Variants in ASPH observed in about 807,000 individuals in gnomAD.
ASPH encodes the protein aspartyl/asparaginyl beta-hydroxylase.
A neutral mutation model predicts 118.4 loss-of-function variants in ASPH; 100 were observed. The observed-to-expected ratio is 0.84, with a 90% CI of 0.72 to 1.00. The LOEUF (loss-of-function observed/expected upper bound fraction) is 1.00, where lower values mean the gene tolerates loss of function less well. ASPH is among the 50% of genes least tolerant of loss of function. ASPH has a pLI of 0.00. For missense variants in ASPH, 920 were observed against 919.5 expected (o/e 1.00, Z -0.01); for synonymous variants, 315 against 325.6 (o/e 0.97, Z 0.35).
chr8:61,556,970 T>C (rs1031040878), intron 18 of ASPH, among the ~76,000 whole-genome samples: 1 of 152,204 alleles, frequency 6.6e-6, no homozygotes, highest in Admixed American at 6.5e-5. Context: ...GCAGATGCTG[T>C]AGCATTTTCA....
chr8:61,614,582 C>T (rs911945614), intron 14 of ASPH, among the ~76,000 whole-genome samples: 1 of 152,174 alleles, frequency 6.6e-6, no homozygotes, highest in African/African-American at 2.4e-5. Flanking sequence ...ATCCTCCTAC[C>T]TCAGACTCCC....
intron 10 of ASPH, among the ~76,000 whole-genome samples, chr8:61,640,830 T>G (rs1162258621): frequency 6.6e-6 from 1 of 152,220 alleles, no homozygotes; most frequent in East Asian, 1.9e-4. Flanking sequence ...AATGTAGGCA[T>G]GATGATTTCT....
At chr8:61,551,130 T>C (rs1825848465) in intron 20 of ASPH, among the ~76,000 whole-genome samples, 1 of 152,200 alleles carries the variant, frequency 6.6e-6, no homozygotes, top group African/African-American at 2.4e-5. Flanking sequence ...AACGTGGATT[T>C]GGAAGTTATG....
Position 61,693,450 on chromosome 8 carries a change from A to C in ASPH, c.104-9262T>G, listed in dbSNP as rs999849961. Among the ~76,000 whole-genome samples, 4 of 152,208 alleles carry C rather than the reference A, an allele frequency of 2.6e-5. No individual in the cohort carries two copies. The East Asian group carries it at 7.7e-4, about 29-fold the overall frequency. Reference sequence around the variant, plus strand: ...ATATGATTCTTTAAAACAAAAACAAATTTTTTTTCATCTACACATCGTACC... The same window carrying C: ...ATATGATTCTTTAAAACAAAAACAACTTTTTTTTCATCTACACATCGTACC... On this transcript the variant is annotated intron_variant, in intron 1 of 24. Transcript: ENST00000379454.
chr8:61,574,969 C>T (rs543815159), intron 16 of ASPH, among the ~76,000 whole-genome samples: 2 of 152,292 alleles, frequency 1.3e-5, no homozygotes, highest in South Asian at 4.1e-4. Context: ...CCCCAGCATG[C>T]CCTTCTTTCT....
intron 14 of ASPH, among the ~76,000 whole-genome samples, chr8:61,598,725 A>ATAT (rs773792313): frequency 6.6e-6 from 1 of 152,244 alleles, no homozygotes; most frequent in Non-Finnish European, 1.5e-5. Flanking sequence ...AACATTCTCC[A>ATAT]GGTAGACCAT....
chr8:61,554,967 G>C (rs1361640851), intron 19 of ASPH, among the ~76,000 whole-genome samples: 1 of 152,084 alleles, frequency 6.6e-6, no homozygotes, highest in East Asian at 1.9e-4. Flanking sequence ...TCCCACCTTG[G>C]TCTCCAAAAG....
chr8:61,660,516 G>C (rs1816312991), intron 3 of ASPH: 1 of 152,136 alleles, frequency 6.6e-6, no homozygotes, highest in Non-Finnish European at 1.5e-5. Flanking sequence ...TTGAAGATGA[G>C]CACACGAGAC....
chr8:61,564,247 C>G (rs1830882648), intron 17 of ASPH, among the ~76,000 whole-genome samples: 1 of 151,108 alleles, frequency 6.6e-6, no homozygotes, highest in African/African-American at 2.4e-5. Flanking sequence ...CAGTGCTAAG[C>G]AGAGCCATAG....
intron 14 of ASPH, among the ~76,000 whole-genome samples, chr8:61,616,228 T>G (rs1400647671): frequency 6.6e-6 from 1 of 152,046 alleles, no homozygotes; most frequent in Non-Finnish European, 1.5e-5. Context: ...GCAAACCCCC[T>G]TTAGGATCAG....
At chr8:61,576,537 C>G (rs559027355) in intron 16 of ASPH, 21 of 413,752 alleles carry the variant, frequency 5.1e-5, no homozygotes, top group Non-Finnish European at 9.0e-5. Flanking sequence ...AAAAGTGTTA[C>G]TGTTTATTTT....
chr8:61,535,036 T>C (rs1818978296), intron 21 of ASPH, among the ~76,000 whole-genome samples: 1 of 152,222 alleles, frequency 6.6e-6, no homozygotes, highest in Non-Finnish European at 1.5e-5. Flanking sequence ...TCTCTTTGTT[T>C]CCAAAGTTCC....
chr8:61,531,235 G>A (rs1169621750), intron 21 of ASPH, among the ~76,000 whole-genome samples: 1 of 152,008 alleles, frequency 6.6e-6, no homozygotes, highest in East Asian at 1.9e-4. Context: ...TTACTTTCTT[G>A]CTTTTTCTCT....
At chr8:61,684,003 T>C (rs2151673535) in intron 2 of ASPH, 36 bp downstream of exon 2, 1 of 1,605,154 alleles carries the variant, frequency 6.2e-7, no homozygotes, top group Non-Finnish European at 8.5e-7. Flanking sequence ...TCACTTACTC[T>C]CTTACAAATT....
intron 2 of ASPH, among the ~76,000 whole-genome samples, chr8:61,683,059 T>A (rs1828887559): frequency 6.6e-6 from 1 of 152,126 alleles, no homozygotes; most frequent in South Asian, 2.1e-4. Flanking sequence ...TTAAAAACAT[T>A]ATGCTAAGTG....
At chr8:61,682,574 C>T in intron 2 of ASPH, 2 of 1,226,046 alleles carry the variant, frequency 1.6e-6, no homozygotes, top group Non-Finnish European at 2.4e-6. Context: ...TCCCTAACAA[C>T]ATATCACTGT....
intron 17 of ASPH, among the ~76,000 whole-genome samples, chr8:61,565,276 C>A (rs1185431488): frequency 6.6e-6 from 1 of 151,676 alleles, no homozygotes; most frequent in African/African-American, 2.4e-5. Context: ...TCAAATCTTA[C>A]CAGTAAATTT....
chr8:61,710,552 T>C (rs1191617154), intron 1 of ASPH, among the ~76,000 whole-genome samples: 1 of 152,194 alleles, frequency 6.6e-6, no homozygotes, highest in Non-Finnish European at 1.5e-5. Context: ...CTCTGGAAAA[T>C]GTGTTCATAA....
At chr8:61,637,554 T>C (rs1259813082) in intron 12 of ASPH, among the ~76,000 whole-genome samples, 2 of 152,168 alleles carry the variant, frequency 1.3e-5, no homozygotes, top group African/African-American at 4.8e-5. Flanking sequence ...AAAATTTGTT[T>C]TGTTTTCCCA....
Sources: gnomAD v4.1 joint callset for allele counts (sites outside exome capture counted in the v4.1 genomes callset) on GRCh38, gnomAD v4.1.1 for gene constraint, MANE v1.5 for transcripts, NCBI Gene and HGNC (gene_info 2026-07-23, HGNC 2026-07-21) for gene names.